TNN: variants seen among roughly 807,000 people sequenced by gnomAD.
TNN encodes the protein tenascin-N.
A neutral mutation model predicts 134.4 loss-of-function variants in TNN; 122 were observed. That is an observed-to-expected ratio of 0.91 (90% CI 0.78 to 1.06). The LOEUF (loss-of-function observed/expected upper bound fraction) is 1.06, where lower values mean the gene tolerates loss of function less well. TNN is among the 50% of genes least tolerant of loss of function. TNN has a pLI of 0.00. For synonymous variants in TNN, 710 were observed against 670.3 expected, an observed-to-expected ratio of 1.06 and a Z score of -0.91; for missense variants, 1,739 against 1,699.4, an observed-to-expected ratio of 1.02 and a Z score of -0.41.
At chr1:175,118,360 C>T (rs1238388308) in intron 10 of TNN, among the ~76,000 whole-genome samples, 1 of 152,064 alleles carries the variant, frequency 6.6e-6, no homozygotes, top group Non-Finnish European at 1.5e-5. Context: ...AGGTTCTGAT[C>T]TATTGTGCTT....
At chr1:175,132,226 A>G (rs992689132) in intron 15 of TNN, among the ~76,000 whole-genome samples, 3 of 152,154 alleles carry the variant, frequency 2.0e-5, no homozygotes, top group Non-Finnish European at 4.4e-5. Context: ...GTCTTTGAAA[A>G]TTCGATTTGG....
chr1:175,101,078 T>G (rs1674709371), intron 9 of TNN, among the ~76,000 whole-genome samples: 1 of 152,228 alleles, frequency 6.6e-6, no homozygotes, highest in Non-Finnish European at 1.5e-5. Context: ...AGTCATCCTG[T>G]GTCCGGAATT....
chr1:175,089,723 T>C (rs554503646), intron 6 of TNN, among the ~76,000 whole-genome samples: 4 of 152,356 alleles, frequency 2.6e-5, no homozygotes, highest in African/African-American at 9.6e-5. Flanking sequence ...TTTGTTATAA[T>C]TTCACAAGCT....
At chr1:175,086,571 C>T (rs886796230) in intron 6 of TNN, among the ~76,000 whole-genome samples, 13 of 152,094 alleles carry the variant, frequency 8.5e-5, no homozygotes, top group Admixed American at 4.6e-4. Flanking sequence ...TTTGAGTCTT[C>T]GTTGAAAAGT....
At chr1:175,127,934 G>T in intron 13 of TNN, 98 bp from the exon 14 acceptor site, 1 of 1,439,826 alleles carries the variant, frequency 6.9e-7, no homozygotes, top group South Asian at 1.2e-5. Context: ...CTCTCAGAGA[G>T]CTTCTGTCAT....
chr1:175,076,607 A>G (rs1674044447), intron 1 of TNN, among the ~76,000 whole-genome samples: 1 of 152,228 alleles, frequency 6.6e-6, no homozygotes. Flanking sequence ...AGAAATTCTT[A>G]TGTTTTACTG....
rs532190571 is a variant in TNN at position 175,105,863 on chromosome 1, A to G, written c.2119+7268A>G. On this transcript the variant is annotated intron_variant, in intron 9 of 18. Coordinates refer to ENST00000239462, the MANE Select transcript of TNN (RefSeq NM_022093.2). ...TTCTCTCCCTGCCCAAGGACCTGCA[A>G]TGGTCCTGGGACCCTGCTGATCAGA... Among the ~76,000 whole-genome samples, 71 of 145,576 alleles carry G rather than the reference A, an allele frequency of 4.9e-4. 13 individuals carry two copies. Among genetic ancestry groups the G allele is most frequent in the Non-Finnish European group, 7.9e-4 (52 of 65,618 alleles).
intron 2 of TNN, among the ~76,000 whole-genome samples, chr1:175,078,649 G>A (rs972675111): frequency 1.3e-5 from 2 of 152,118 alleles, no homozygotes; most frequent in African/African-American, 4.8e-5. Context: ...CTTTGGAAGC[G>A]TTTTTAGGAA....
chr1:175,103,441 G>A (rs1674779433), intron 9 of TNN, among the ~76,000 whole-genome samples: 1 of 145,972 alleles, frequency 6.9e-6, no homozygotes, highest in South Asian at 2.3e-4. Flanking sequence ...GTAAAGTAAG[G>A]ATAGATTTCA....
intron 12 of TNN, 26 bp from the exon 13 acceptor site, chr1:175,126,929 A>G: frequency 1.3e-6 from 2 of 1,590,794 alleles, no homozygotes; most frequent in South Asian, 1.2e-5. Context: ...CTTAGTAATA[A>G]CAATTACCTG....
chr1:175,137,397 T>TGTGTGTGTGTGTGTGTGA (rs10638677), intron 17 of TNN, among the ~76,000 whole-genome samples: 22 of 149,502 alleles, frequency 1.5e-4, no homozygotes, highest in East Asian at 3.9e-4. Context: ...TGTGTGATTA[T>TGTGTGTGTGTGTGTGTGA]TTGAGCTTTT....
intron 9 of TNN, among the ~76,000 whole-genome samples, chr1:175,115,318 G>C (rs1201657329): frequency 1.4e-5 from 2 of 146,526 alleles, no homozygotes; most frequent in East Asian, 3.9e-4. Context: ...ATTGTTCCCT[G>C]GGGAGCTTCC....
chr1:175,069,155 A>G (rs902597616), intron 1 of TNN, among the ~76,000 whole-genome samples: 3 of 152,162 alleles, frequency 2.0e-5, no homozygotes, highest in Non-Finnish European at 2.9e-5. Context: ...GGTTAGCCAC[A>G]GTGCCTAAAA....
intron 17 of TNN, among the ~76,000 whole-genome samples, chr1:175,141,374 A>ACACAAC (rs1675941724): frequency 6.6e-6 from 1 of 152,138 alleles, no homozygotes; most frequent in East Asian, 1.9e-4. Context: ...CACAGTGGGG[A>ACACAAC]CACAACCAGG....
chr1:175,138,333 A>G (rs1675867196), intron 17 of TNN, among the ~76,000 whole-genome samples: 1 of 152,216 alleles, frequency 6.6e-6, no homozygotes, highest in East Asian at 1.9e-4. Context: ...GAGTTTAAAA[A>G]ATGAAATTGC....
In TNN at chr1:175,123,662, A is replaced by C; in HGVS notation, c.2913A>C (p.Thr971=). ...ESKKADTKAQ[T]ELDPPRNLRP... Reference sequence around the variant, plus strand: ...AGAAGGCTGACACCAAGGCCCAGACAGGTACTGAGAGGGACCAGGCCAGGG... The same window carrying C: ...AGAAGGCTGACACCAAGGCCCAGACCGGTACTGAGAGGGACCAGGCCAGGG... The change falls in exon 12 of 19, where the codon ACA becomes ACC. Residue 971 remains threonine, a splice_region_variant and synonymous_variant. Coordinates refer to ENST00000239462, the MANE Select transcript of TNN (RefSeq NM_022093.2). The C allele has an allele frequency of 6.2e-7, 1 of 1,614,132 alleles. No individual in the cohort carries two copies. Among genetic ancestry groups the C allele is most frequent in the Non-Finnish European group, 8.5e-7 (1 of 1,179,984 alleles).
intron 8 of TNN, 60 bp downstream of exon 8, chr1:175,097,743 T>C: frequency 1.2e-6 from 2 of 1,604,198 alleles, no homozygotes; most frequent in Non-Finnish European, 1.7e-6. Context: ...TGAATAGGTA[T>C]GGTATCAAAG....
intron 1 of TNN, among the ~76,000 whole-genome samples, chr1:175,068,559 C>T (rs11583313): frequency 0.14 from 21,277 of 152,118 alleles, 1,744 homozygotes; most frequent in Non-Finnish European, 0.19. Flanking sequence ...CTCGAAATCC[C>T]CATACTATTA....
intron 1 of TNN, among the ~76,000 whole-genome samples, chr1:175,072,754 A>C (rs1019508637): frequency 2.0e-5 from 3 of 152,082 alleles, no homozygotes; most frequent in East Asian, 1.9e-4. Flanking sequence ...CAACTTGTGG[A>C]ATCTGAGAGG....
Sources: gnomAD v4.1 joint callset for allele counts (sites outside exome capture counted in the v4.1 genomes callset) on GRCh38, gnomAD v4.1.1 for gene constraint, MANE v1.5 for transcripts, NCBI Gene and HGNC (gene_info 2026-07-23, HGNC 2026-07-21) for gene names.